The following TNKS variants were observed in gnomAD, a reference collection of about 807,000 sequenced individuals.
The protein encoded by TNKS is tankyrase.
TNKS carries 72 observed loss-of-function variants against 135.8 expected under a neutral mutation model. That is an observed-to-expected ratio of 0.53 (90% CI 0.44 to 0.64). The LOEUF is 0.64. TNKS is among the 30% of genes least tolerant of loss of function. The pLI, the probability that TNKS is intolerant of heterozygous loss-of-function variation, is 0.00. For missense variants in TNKS, 1,769 were observed against 1,674.0 expected (o/e 1.06, Z -0.99); for synonymous variants, 849 against 649.3 (o/e 1.31, Z -4.68).
At chr8:9,654,706 T>G (rs1326997228) in intron 3 of TNKS, among the ~76,000 whole-genome samples, 1 of 152,216 alleles carries the variant, frequency 6.6e-6, no homozygotes, top group African/African-American at 2.4e-5. Flanking sequence ...TTCTGTGTTC[T>G]TAGATTCCTG....
intron 2 of TNKS, among the ~76,000 whole-genome samples, chr8:9,601,059 G>C (rs890526880): frequency 6.6e-6 from 1 of 152,108 alleles, no homozygotes; most frequent in African/African-American, 2.4e-5. Flanking sequence ...ATATTAAACA[G>C]CATGCATAAA....
At position 9,639,317 on chromosome 8, in the gene TNKS, G is replaced by T. The variant is rs921913819; in HGVS notation, c.994+23640G>T. Among the ~76,000 whole-genome samples the T allele has an allele frequency of 2.6e-5, 4 of 152,188 alleles. No individual in the cohort carries two copies. The East Asian group carries it at 5.8e-4, about 22-fold the overall frequency. Reference sequence around the variant, plus strand: ...AATGCACATTTACAAACTGTCAGTTGTTTAAACATAAGGAGAGTAGCTTAT... The same window carrying T: ...AATGCACATTTACAAACTGTCAGTTTTTTAAACATAAGGAGAGTAGCTTAT... On this transcript the variant is annotated intron_variant, in intron 3 of 26. Transcript: ENST00000310430.
chr8:9,774,499 T>A (rs1808114992), intron 26 of TNKS, among the ~76,000 whole-genome samples: 1 of 152,202 alleles, frequency 6.6e-6, no homozygotes, highest in Non-Finnish European at 1.5e-5. Flanking sequence ...AATACATACA[T>A]ACATCCTACG....
intron 2 of TNKS, among the ~76,000 whole-genome samples, chr8:9,583,816 G>C (rs1271915539): frequency 6.6e-6 from 1 of 151,644 alleles, no homozygotes; most frequent in Non-Finnish European, 1.5e-5. Flanking sequence ...GTTAGTGCTT[G>C]AGAATTTCAT....
intron 14 of TNKS, among the ~76,000 whole-genome samples, chr8:9,732,896 C>T (rs557488786): frequency 7.2e-5 from 11 of 152,276 alleles, no homozygotes; most frequent in African/African-American, 1.7e-4. Flanking sequence ...ATGATTAAAC[C>T]ACTATGATTT....
At chr8:9,707,678 A>C (rs972856627) in intron 8 of TNKS, among the ~76,000 whole-genome samples, 1 of 152,182 alleles carries the variant, frequency 6.6e-6, no homozygotes, top group African/African-American at 2.4e-5. Flanking sequence ...AAAATATTGG[A>C]TTCTCATTCA....
chr8:9,691,458 C>G (rs1353034500), intron 5 of TNKS, among the ~76,000 whole-genome samples: 1 of 152,178 alleles, frequency 6.6e-6, no homozygotes, highest in African/African-American at 2.4e-5. Flanking sequence ...AAGAGTAATT[C>G]TTGCCCCTCA....
rs147339913 is a variant in TNKS at position 9,715,135 on chromosome 8, C to T, written c.1749+4915C>T. On this transcript the variant is annotated intron_variant, in intron 11 of 26. Coordinates refer to ENST00000310430, the MANE Select transcript of TNKS (RefSeq NM_003747.3). The stretch of plus-strand genomic sequence containing the variant: ...GGTGACCAGTGCCACTGAGAGAAAT[C>T]AAGGCAGACTGGGGCATTACTTAGA... Among the ~76,000 whole-genome samples, 376 of 152,176 alleles carry T rather than the reference C, an allele frequency of 2.5e-3. 3 individuals carry two copies. Among genetic ancestry groups the T allele is most frequent in the African/African-American group, 8.7e-3 (363 of 41,498 alleles).
In TNKS at chr8:9,770,151, G is replaced by A. The variant is rs771075907; in HGVS notation, c.3786G>A (p.Gln1262=). The part of the protein sequence containing the change: ...CRVTLGKSFL[Q]FSTMKMAHAP... Reference sequence around the variant, plus strand: ...TGACCCTTGGGAAATCCTTTCTGCAGTTTAGCACCATGAAAATGGCCCACG... The same window carrying A: ...TGACCCTTGGGAAATCCTTTCTGCAATTTAGCACCATGAAAATGGCCCACG... The change falls in exon 26 of 27, where the codon CAG becomes CAA. Residue 1262 remains glutamine, a synonymous_variant. Coordinates refer to ENST00000310430, the MANE Select transcript of TNKS (RefSeq NM_003747.3). The A allele has an allele frequency of 3.2e-5, 51 of 1,613,200 alleles. No homozygotes were observed. The highest frequency in any genetic ancestry group is 4.3e-5 in the Non-Finnish European group (51 of 1,179,930).
intron 15 of TNKS, among the ~76,000 whole-genome samples, chr8:9,733,958 A>G (rs1300961043): frequency 6.6e-6 from 1 of 152,180 alleles, no homozygotes; most frequent in Non-Finnish European, 1.5e-5. Flanking sequence ...TAGTAGTTAT[A>G]TGAAACTAAC....
At chr8:9,740,749 A>G (rs1805900511) in intron 17 of TNKS, among the ~76,000 whole-genome samples, 1 of 151,852 alleles carries the variant, frequency 6.6e-6, no homozygotes, top group African/African-American at 2.4e-5. Context: ...TGAGCAACAA[A>G]TACTTCTACC....
At chr8:9,750,383 C>T (rs1175517421) in intron 18 of TNKS, among the ~76,000 whole-genome samples, 1 of 152,174 alleles carries the variant, frequency 6.6e-6, no homozygotes, top group East Asian at 1.9e-4. Context: ...TTTCTCTCTT[C>T]CTGTACCTTA....
chr8:9,717,872 G>A (rs1804687030), intron 11 of TNKS, among the ~76,000 whole-genome samples: 1 of 152,032 alleles, frequency 6.6e-6, no homozygotes, highest in South Asian at 2.1e-4. Flanking sequence ...GGAAGAGATT[G>A]GAGAAATCTC....
In TNKS at chr8:9,732,885, TATG is replaced by T. The variant is rs201475820; in HGVS notation, c.2148-391_2148-389del. ...ATGGAAATCACCACTGAATCACCAC[TATG>T]ATTAAACCACTATGATTTAATCACC... On this transcript the variant is annotated intron_variant, in intron 14 of 26. Coordinates refer to ENST00000310430, the MANE Select transcript of TNKS (RefSeq NM_003747.3). Among the ~76,000 whole-genome samples the T allele has an allele frequency of 5.7e-3, 868 of 152,346 alleles. 9 individuals are homozygous for T. Among genetic ancestry groups the T allele is most frequent in the South Asian group, 0.026 (124 of 4,826 alleles).
At chr8:9,622,266 A>T (rs73523222) in intron 3 of TNKS, among the ~76,000 whole-genome samples, 13,017 of 152,100 alleles carry the variant, frequency 0.086, 593 homozygotes, top group South Asian at 0.17. Flanking sequence ...TTTTTCTTTT[A>T]TTAGCAGCAG....
At chr8:9,606,847 G>T (rs897160193) in intron 2 of TNKS, among the ~76,000 whole-genome samples, 1 of 151,954 alleles carries the variant, frequency 6.6e-6, no homozygotes, top group Non-Finnish European at 1.5e-5. Flanking sequence ...CCTTATTGCT[G>T]GTTTAAAATC....
At chr8:9,572,845 T>G (rs1391124383) in intron 1 of TNKS, among the ~76,000 whole-genome samples, 1 of 152,230 alleles carries the variant, frequency 6.6e-6, no homozygotes. Flanking sequence ...AACTAGTGAA[T>G]GGCAAGTCTG....
Position 9,575,375 on chromosome 8 carries a change from C to T in TNKS, c.674-4784C>T, listed in dbSNP as rs937300626. The T allele has an allele frequency of 1.0e-5, 10 of 984,972 alleles. No individual in the cohort carries two copies. In the African/African-American group the frequency reaches 1.1e-4, roughly 10 times the overall value. 61.0% of individuals were successfully genotyped at this position (984,972 alleles called of 1,614,324 possible). ...TACAGGTGTGAGCCACCGCGCCCGG[C>T]GGATAATTTTTTAAGAGGAACAAGG... On this transcript the variant is annotated intron_variant, in intron 1 of 26. Coordinates refer to ENST00000310430, the MANE Select transcript of TNKS (RefSeq NM_003747.3).
At chr8:9,579,986 A>G (rs1798107744) in intron 1 of TNKS, among the ~76,000 whole-genome samples, 173 bp from the exon 2 acceptor site, 1 of 152,166 alleles carries the variant, frequency 6.6e-6, no homozygotes, top group African/African-American at 2.4e-5. Flanking sequence ...TTAGTTCTAA[A>G]TTCTGTGAAA....
Sources: gnomAD v4.1 joint callset for allele counts (sites outside exome capture counted in the v4.1 genomes callset) on GRCh38, gnomAD v4.1.1 for gene constraint, MANE v1.5 for transcripts, NCBI Gene and HGNC (gene_info 2026-07-23, HGNC 2026-07-21) for gene names.